Variants in BLTP2 observed in about 807,000 individuals in gnomAD.
The protein encoded by BLTP2 is bridge-like lipid transfer protein family member 2.
chr17:28,638,014 C>T, the BLTP2 span: 1 of 1,614,210 alleles, frequency 6.2e-7, no homozygotes, highest in African/African-American at 1.3e-5. Context: ...ATGCTTCCAC[C>T]TGAAGTCCTC....
At chr17:28,615,897 A>G in the BLTP2 span, 1 of 1,312,268 alleles carries the variant, frequency 7.6e-7, no homozygotes, top group Admixed American at 1.9e-5. Flanking sequence ...CAAGTCCTAC[A>G]ATAGTAACCT....
chr17:28,630,766 G>A, the BLTP2 span, among the ~76,000 whole-genome samples: 6 of 152,044 alleles, frequency 3.9e-5, no homozygotes, highest in Admixed American at 2.0e-4. Flanking sequence ...TTACAGGCAT[G>A]AGCCACCGCA....
the BLTP2 span, chr17:28,636,930 A>C: frequency 6.3e-7 from 1 of 1,583,860 alleles, no homozygotes; most frequent in Non-Finnish European, 8.7e-7. Flanking sequence ...TGAGGAAAAA[A>C]CCAGCCTGGC....
the BLTP2 span, chr17:28,637,935 C>G: frequency 6.2e-7 from 1 of 1,614,238 alleles, no homozygotes; most frequent in Non-Finnish European, 8.5e-7. Flanking sequence ...TGCCTAGAGA[C>G]AGCTGACTTC....
the BLTP2 span, chr17:28,624,067 G>C: frequency 7.2e-7 from 1 of 1,396,738 alleles, no homozygotes; most frequent in South Asian, 1.3e-5. Flanking sequence ...GGCTTACCAA[G>C]TAAATTTTAC....
chr17:28,637,984 A>G, the BLTP2 span: 1 of 1,614,228 alleles, frequency 6.2e-7, no homozygotes. Context: ...TACGAGACAG[A>G]CATTGGGCAC....
chr17:28,643,398 T>C, the BLTP2 span: 1 of 1,545,166 alleles, frequency 6.5e-7, no homozygotes, highest in Non-Finnish European at 8.9e-7. Context: ...TTCTCATCCT[T>C]CCTAGAAATA....
At chr17:28,623,419 A>G in the BLTP2 span, among the ~76,000 whole-genome samples, 1 of 152,250 alleles carries the variant, frequency 6.6e-6, no homozygotes, top group Non-Finnish European at 1.5e-5. Context: ...AAGGGCAGAT[A>G]GTGAACTTAC....
the BLTP2 span, chr17:28,619,526 C>A: frequency 8.8e-7 from 1 of 1,139,004 alleles, no homozygotes; most frequent in Non-Finnish European, 1.3e-6. Context: ...GAAGAGATGT[C>A]TGAACCTACT....
the BLTP2 span, chr17:28,639,972 T>A: frequency 3.1e-6 from 5 of 1,614,076 alleles, no homozygotes; most frequent in Non-Finnish European, 4.2e-6. Context: ...GGGCAGCTGA[T>A]CCTCATCACG....
At chr17:28,633,956 C>T in the BLTP2 span, 63 of 1,614,150 alleles carry the variant, frequency 3.9e-5, no homozygotes, top group Middle Eastern at 3.3e-4. Context: ...CGTTACCCCA[C>T]GGAAGCCCCA....
chr17:28,643,958 G>A, the BLTP2 span: 2 of 1,439,842 alleles, frequency 1.4e-6, no homozygotes, highest in African/African-American at 2.9e-5. Context: ...GGATTAACTA[G>A]AAAAGCCACC....
chr17:28,615,690 C>A, the BLTP2 span: 1 of 1,614,194 alleles, frequency 6.2e-7, no homozygotes, highest in Non-Finnish European at 8.5e-7. Context: ...TTGCGGCTGT[C>A]CCTTTTGACA....
At chr17:28,643,539 A>T in the BLTP2 span, 3 of 1,484,758 alleles carry the variant, frequency 2.0e-6, no homozygotes, top group Non-Finnish European at 2.8e-6. Flanking sequence ...CCTCTGCAGA[A>T]GAGTGTCACT....
chr17:28,622,583 C>T, the BLTP2 span, among the ~76,000 whole-genome samples: 1 of 152,196 alleles, frequency 6.6e-6, no homozygotes, highest in Non-Finnish European at 1.5e-5. Context: ...AGTAATAACG[C>T]ACAATATTGC....
chr17:28,638,446 G>A, the BLTP2 span: 15 of 1,608,376 alleles, frequency 9.3e-6, no homozygotes, highest in Non-Finnish European at 1.2e-5. Context: ...GGGATTGCAT[G>A]GAGCCACTGT....
the BLTP2 span, chr17:28,616,694 G>A: frequency 1.9e-6 from 3 of 1,614,198 alleles, no homozygotes; most frequent in Non-Finnish European, 2.5e-6. This position sits in a 1 kb window ranked among gnomAD's most constrained non-coding sequence, Gnocchi z 4.8. Flanking sequence ...GAAAGAAAAA[G>A]CCCATCATTC....
chr17:28,626,441 C>T, the BLTP2 span, among the ~76,000 whole-genome samples: 7 of 152,264 alleles, frequency 4.6e-5, no homozygotes, highest in African/African-American at 1.7e-4. Context: ...TTAGTGCCTC[C>T]TAAGTGATGT....
the BLTP2 span, chr17:28,615,258 G>C: frequency 6.3e-7 from 1 of 1,591,202 alleles, no homozygotes; most frequent in Non-Finnish European, 8.6e-7. Flanking sequence ...TGGCAGATTG[G>C]AGAGGAGTAA....
Sources: gnomAD v4.1 joint callset for allele counts (sites outside exome capture counted in the v4.1 genomes callset) on GRCh38, gnomAD v4.1.1 for gene constraint, Gnocchi (gnomAD v3.1) non-coding constraint, MANE v1.5 for transcripts, NCBI Gene and HGNC (gene_info 2026-07-23, HGNC 2026-07-21) for gene names.